Variants in C2orf76 observed in about 807,000 individuals in gnomAD.
C2orf76 encodes UPF0538 protein C2orf76.
In C2orf76, 23 loss-of-function variants were observed where a neutral mutation model predicts 16.9. The ratio of observed to expected loss-of-function variants is 1.36; its 90% confidence interval spans 0.98 to 1.93. The LOEUF is 1.93. C2orf76 is among the 30% of genes most tolerant of loss of function. C2orf76 has a pLI of 0.00. For missense variants in C2orf76, 152 were observed against 152.6 expected (o/e 1.00, Z 0.02); for synonymous variants, 48 against 52.3 (o/e 0.92, Z 0.35).
the C2orf76 span, among the ~76,000 whole-genome samples, chr2:119,295,478 T>A: frequency 6.6e-6 from 1 of 152,094 alleles, no homozygotes; most frequent in African/African-American, 2.4e-5. Flanking sequence ...ACTGCTCTCA[T>A]TCCCCACCAA....
chr2:119,287,647 G>A, the C2orf76 span, among the ~76,000 whole-genome samples: 6 of 152,216 alleles, frequency 3.9e-5, no homozygotes, highest in East Asian at 1.2e-3. Context: ...AAGACATTGA[G>A]GCTCTTTCTT....
At chr2:119,320,974 G>A (rs1273222301) in intron 3 of C2orf76, among the ~76,000 whole-genome samples, 180 bp downstream of exon 3, 1 of 152,002 alleles carries the variant, frequency 6.6e-6, no homozygotes, top group Non-Finnish European at 1.5e-5. Flanking sequence ...TTGCAAATAC[G>A]CCACTTCCTT....
chr2:119,302,799 T>C (rs1025879516), intron 5 of C2orf76, among the ~76,000 whole-genome samples: 2 of 152,114 alleles, frequency 1.3e-5, no homozygotes, highest in African/African-American at 4.8e-5. Flanking sequence ...AAACCAAAAA[T>C]TAAAATCAAG....
At chr2:119,332,219 G>A (rs1182950266) in intron 2 of C2orf76, among the ~76,000 whole-genome samples, 1 of 151,948 alleles carries the variant, frequency 6.6e-6, no homozygotes, top group Admixed American at 6.5e-5. Context: ...GGTACAATTT[G>A]TAACTTATTA....
chr2:119,297,890 G>A (rs554140811), downstream of C2orf76, among the ~76,000 whole-genome samples: 2 of 152,274 alleles, frequency 1.3e-5, no homozygotes, highest in South Asian at 4.1e-4. Flanking sequence ...TAACCTAGAT[G>A]GAAATATGTC....
intron 1 of C2orf76, among the ~76,000 whole-genome samples, chr2:119,363,037 AAC>A (rs1484764480): frequency 6.9e-6 from 1 of 145,200 alleles, no homozygotes; most frequent in Non-Finnish European, 1.5e-5. Flanking sequence ...CACCCCCACC[AAC>A]TCTCACCTCC....
chr2:119,292,381 T>TA, the C2orf76 span, among the ~76,000 whole-genome samples: 1 of 152,046 alleles, frequency 6.6e-6, no homozygotes, highest in Non-Finnish European at 1.5e-5. Flanking sequence ...TTCCAGCTGG[T>TA]AAAAAAGCCC....
intron 1 of C2orf76, among the ~76,000 whole-genome samples, chr2:119,347,059 G>T (rs77642964): frequency 6.6e-5 from 10 of 152,132 alleles, no homozygotes; most frequent in Non-Finnish European, 1.5e-4. Context: ...ATCATAAAGC[G>T]GTGTTAAAAC....
intron 1 of C2orf76, among the ~76,000 whole-genome samples, chr2:119,350,072 C>CCCA (rs1680340534): frequency 1.1e-5 from 1 of 94,090 alleles, no homozygotes; most frequent in African/African-American, 4.5e-5. Flanking sequence ...CCACACCGCC[C>CCCA]CCCGCCCCCC....
At chr2:119,301,981 T>C (rs951511291), downstream of C2orf76, among the ~76,000 whole-genome samples, 1 of 150,108 alleles carries the variant, frequency 6.7e-6, no homozygotes, top group African/African-American at 2.4e-5. Flanking sequence ...CACAATTCAA[T>C]TGCACATATG....
At chr2:119,281,530 AG>A in the C2orf76 span, among the ~76,000 whole-genome samples, 2 of 152,198 alleles carry the variant, frequency 1.3e-5, no homozygotes, top group Admixed American at 6.5e-5. Flanking sequence ...AAAGAGAGAG[AG>A]AGAGAGAATG....
chr2:119,347,336 A>G (rs1026316529), intron 1 of C2orf76, among the ~76,000 whole-genome samples: 1 of 152,248 alleles, frequency 6.6e-6, no homozygotes, highest in Non-Finnish European at 1.5e-5. Context: ...AAGGCTATAT[A>G]TTAAAAGAGA....
At chr2:119,364,854 G>C (rs1242184606) in intron 1 of C2orf76, among the ~76,000 whole-genome samples, 1 of 152,030 alleles carries the variant, frequency 6.6e-6, no homozygotes, top group Non-Finnish European at 1.5e-5. Flanking sequence ...CAAAGTGGGA[G>C]AATCCCTTGA....
chr2:119,342,741 A>G (rs1680073963), intron 1 of C2orf76, among the ~76,000 whole-genome samples: 1 of 151,030 alleles, frequency 6.6e-6, no homozygotes, highest in Non-Finnish European at 1.5e-5. Flanking sequence ...AGCAGATGTT[A>G]GGTATATGGG....
At chr2:119,331,773 A>T (rs1239894812) in intron 2 of C2orf76, among the ~76,000 whole-genome samples, 2 of 152,230 alleles carry the variant, frequency 1.3e-5, no homozygotes, top group Non-Finnish European at 2.9e-5. Context: ...TGTTTAATGT[A>T]GAAGAGCAAG....
At chr2:119,351,369 C>A (rs1460002922) in intron 1 of C2orf76, among the ~76,000 whole-genome samples, 1 of 152,062 alleles carries the variant, frequency 6.6e-6, no homozygotes, top group Non-Finnish European at 1.5e-5. Flanking sequence ...ATAGCAGAAT[C>A]ACCAACAGAA....
At chr2:119,324,532 G>A (rs989029232) in intron 2 of C2orf76, among the ~76,000 whole-genome samples, 1 of 152,314 alleles carries the variant, frequency 6.6e-6, no homozygotes, top group South Asian at 2.1e-4. Context: ...TGAGGGCAGG[G>A]ACCACAGCCT....
intron 1 of C2orf76, among the ~76,000 whole-genome samples, chr2:119,355,048 A>C (rs1680526060): frequency 6.6e-6 from 1 of 152,256 alleles, no homozygotes; most frequent in Non-Finnish European, 1.5e-5. Flanking sequence ...TCTGGAGCAA[A>C]TACACAAAAC....
intron 2 of C2orf76, among the ~76,000 whole-genome samples, chr2:119,337,107 G>A (rs1013240157): frequency 6.6e-6 from 1 of 151,362 alleles, no homozygotes; most frequent in Middle Eastern, 3.4e-3. Flanking sequence ...CCAGACTAGA[G>A]TGCAGTAGTG....
Sources: allele counts gnomAD v4.1 joint callset (sites outside exome capture counted in the v4.1 genomes callset), GRCh38; gene constraint gnomAD v4.1.1; transcripts MANE v1.5; gene names NCBI Gene and HGNC (gene_info 2026-07-23, HGNC 2026-07-21).